Variants in TUNAR observed in about 807,000 individuals in gnomAD.
TUNAR encodes the protein transmembrane neural differentiation associated intracellular calcium regulator.
intron 1 of TUNAR, 22 bp from the exon 1 acceptor site, chr14:95,876,810 C>G (rs1188502851): frequency 6.6e-6 from 1 of 152,180 alleles, no homozygotes; most frequent in Non-Finnish European, 1.5e-5. Context: ...TGCAGCTCTG[C>G]GCGTTCTCAT....
At chr14:95,876,844 G>C (rs1163030497) in intron 1 of TUNAR, 1 of 152,284 alleles carries the variant, frequency 6.6e-6, no homozygotes. Flanking sequence ...CTTTCCCTCC[G>C]CGCTGCCTCT....
At chr14:95,902,437 T>A (rs1439654921) in intron 2 of TUNAR, among the ~76,000 whole-genome samples, 2 of 152,134 alleles carry the variant, frequency 1.3e-5, no homozygotes, top group African/African-American at 4.8e-5. Context: ...AAAATCACAT[T>A]AAAATGCAAA....
intron 2 of TUNAR, among the ~76,000 whole-genome samples, chr14:95,907,260 A>C: frequency 6.6e-6 from 1 of 152,318 alleles, no homozygotes; most frequent in South Asian, 2.1e-4. Context: ...GCAGTGGATG[A>C]ACTTGCGTGT....
chr14:95,913,280 A>G (rs1406374408), intron 2 of TUNAR, among the ~76,000 whole-genome samples: 1 of 151,722 alleles, frequency 6.6e-6, no homozygotes, highest in Non-Finnish European at 1.5e-5. Flanking sequence ...TAAGCCCCGC[A>G]TGCATTGGGT....
At chr14:95,889,915 C>G (rs1177819763) in intron 2 of TUNAR, among the ~76,000 whole-genome samples, 1 of 150,070 alleles carries the variant, frequency 6.7e-6, no homozygotes, top group Non-Finnish European at 1.5e-5. Flanking sequence ...TTTCACGAGG[C>G]CTACCTAGTC....
At chr14:95,878,722 T>A (rs1318556311) in intron 2 of TUNAR, among the ~76,000 whole-genome samples, 1 of 152,248 alleles carries the variant, frequency 6.6e-6, no homozygotes, top group Non-Finnish European at 1.5e-5. Flanking sequence ...CGAGCTGTGC[T>A]TAATAGATTA....
At chr14:95,891,870 G>A (rs920783962) in intron 2 of TUNAR, among the ~76,000 whole-genome samples, 6 of 152,314 alleles carry the variant, frequency 3.9e-5, no homozygotes, top group Non-Finnish European at 5.9e-5. Context: ...CCGGTTGCTG[G>A]TGGTTGCCTG....
At chr14:95,887,847 G>A (rs534448696) in intron 2 of TUNAR, among the ~76,000 whole-genome samples, 63 of 152,282 alleles carry the variant, frequency 4.1e-4, no homozygotes, top group African/African-American at 1.5e-3. Flanking sequence ...GGTTATTCAG[G>A]GTAATTATTA....
At chr14:95,883,992 A>G (rs1416752240) in intron 2 of TUNAR, among the ~76,000 whole-genome samples, 2 of 152,008 alleles carry the variant, frequency 1.3e-5, no homozygotes, top group African/African-American at 4.8e-5. Flanking sequence ...TGGGTGTCGA[A>G]TCAGTAATGC....
chr14:95,886,405 T>C (rs1486535846), intron 2 of TUNAR, among the ~76,000 whole-genome samples: 1 of 152,208 alleles, frequency 6.6e-6, no homozygotes, highest in African/African-American at 2.4e-5. Flanking sequence ...CGGGTGGTTA[T>C]ACTACCCTTG....
At chr14:95,887,515 C>T (rs1889097700) in intron 2 of TUNAR, among the ~76,000 whole-genome samples, 1 of 152,236 alleles carries the variant, frequency 6.6e-6, no homozygotes, top group South Asian at 2.1e-4. Flanking sequence ...TCAGGCAGAT[C>T]TGTAAGTACA....
At chr14:95,922,354 A>C (rs143428676) in intron 2 of TUNAR, among the ~76,000 whole-genome samples, 1 of 152,280 alleles carries the variant, frequency 6.6e-6, no homozygotes, top group Non-Finnish European at 1.5e-5. Context: ...GATGCCCCAT[A>C]CACACTTTGT....
chr14:95,910,771 TC>T, intron 2 of TUNAR, among the ~76,000 whole-genome samples: 1 of 152,180 alleles, frequency 6.6e-6, no homozygotes, highest in East Asian at 1.9e-4. Flanking sequence ...GAGGAGCTTG[TC>T]CTTTGGAAAA....
intron 2 of TUNAR, among the ~76,000 whole-genome samples, chr14:95,881,768 C>T (rs1888983103): frequency 6.6e-6 from 1 of 152,204 alleles, no homozygotes; most frequent in South Asian, 2.1e-4. Flanking sequence ...AAGCATCCAC[C>T]ATTCCCAGGA....
At chr14:95,921,681 C>T (rs1443732846) in intron 2 of TUNAR, among the ~76,000 whole-genome samples, 1 of 152,212 alleles carries the variant, frequency 6.6e-6, no homozygotes, top group African/African-American at 2.4e-5. Flanking sequence ...GCCTGCTCCA[C>T]TCTTGCCTGG....
At chr14:95,883,327 G>C (rs1278596917) in intron 2 of TUNAR, among the ~76,000 whole-genome samples, 2 of 152,220 alleles carry the variant, frequency 1.3e-5, no homozygotes. Flanking sequence ...CTGTCCATCT[G>C]TGCAGGCATG....
rs1181256542 is a variant in TUNAR at position 95,923,392 on chromosome 14, T to G, written c.*426T>G. ...TGTTTCATCTTCACTTGACGAGCTA[T>G]TTAGTGGAAAAACCACAGGCGCAGC... On this transcript the variant is annotated 3_prime_UTR_variant, in exon 3 of 3. Transcript: ENST00000678517. 1.9e-5 allele frequency: 3 copies of G among 155,808 alleles called. No homozygotes were observed. In the Admixed American group the frequency reaches 2.0e-4, roughly 10 times the overall value. The allele number at this position is 155,808 out of a possible 1,614,324, so 9.7% of individuals were successfully genotyped here. A position where few individuals can be genotyped will look rare whatever the true frequency, so the allele number is the denominator to read the frequency against.
At chr14:95,880,219 T>C (rs758610211) in intron 2 of TUNAR, among the ~76,000 whole-genome samples, 7 of 152,218 alleles carry the variant, frequency 4.6e-5, no homozygotes, top group Non-Finnish European at 7.3e-5. Context: ...AATTTGGGTA[T>C]AGCTGGTTAT....
intron 2 of TUNAR, among the ~76,000 whole-genome samples, chr14:95,889,034 C>T (rs1730828790): frequency 6.6e-6 from 1 of 152,188 alleles, no homozygotes; most frequent in Non-Finnish European, 1.5e-5. Context: ...AGCTGTTTCC[C>T]CTTCAGATGT....
Sources: gnomAD v4.1 joint callset for allele counts (sites outside exome capture counted in the v4.1 genomes callset) on GRCh38, gnomAD v4.1.1 for gene constraint, MANE v1.5 for transcripts, NCBI Gene and HGNC (gene_info 2026-07-23, HGNC 2026-07-21) for gene names.